NELL2: variants seen among roughly 807,000 people sequenced by gnomAD.
The protein encoded by NELL2 is protein kinase C-binding protein NELL2.
NELL2 carries 41 observed loss-of-function variants against 109.6 expected under a neutral mutation model. The ratio of observed to expected loss-of-function variants is 0.37; its 90% confidence interval spans 0.29 to 0.49. The LOEUF is 0.49. Ranked by LOEUF, NELL2 falls within the 20% of genes least tolerant of loss-of-function variation. NELL2 has a pLI of 0.98. For synonymous variants in NELL2, 355 were observed against 344.7 expected (o/e 1.03, Z -0.33); for missense variants, 900 against 1,008.3 (o/e 0.89, Z 1.45).
At chr12:44,805,073 T>A (rs1942954514) in intron 3 of NELL2, among the ~76,000 whole-genome samples, 1 of 151,748 alleles carries the variant, frequency 6.6e-6, no homozygotes, top group Non-Finnish European at 1.5e-5. Flanking sequence ...TAACAAAATA[T>A]GTATATACAC....
chr12:44,673,500 T>C (rs775775249), intron 12 of NELL2, among the ~76,000 whole-genome samples: 1 of 152,206 alleles, frequency 6.6e-6, no homozygotes, highest in Non-Finnish European at 1.5e-5. Flanking sequence ...TGACTTATTA[T>C]GACTTTCTAC....
intron 15 of NELL2, among the ~76,000 whole-genome samples, chr12:44,548,854 A>G (rs2136162103): frequency 6.6e-6 from 1 of 152,330 alleles, no homozygotes; most frequent in African/African-American, 2.4e-5. Context: ...TAAGCACTCT[A>G]TGCTTCTAAT....
intron 9 of NELL2, among the ~76,000 whole-genome samples, chr12:44,744,906 C>G (rs1422879140): frequency 6.6e-6 from 1 of 152,180 alleles, no homozygotes; most frequent in African/African-American, 2.4e-5. Flanking sequence ...CCTTCTGAAA[C>G]TATTCCAACC....
chr12:44,906,457 A>G (rs909948498), intron 1 of NELL2, among the ~76,000 whole-genome samples: 1 of 152,122 alleles, frequency 6.6e-6, no homozygotes, highest in African/African-American at 2.4e-5. Context: ...AGGGTAGAGC[A>G]GCTAGAAAGT....
chr12:44,522,757 A>G (rs1245833218), intron 17 of NELL2: 1 of 154,170 alleles, frequency 6.5e-6, no homozygotes, highest in Non-Finnish European at 1.4e-5. Flanking sequence ...TACACCAAAT[A>G]AATATTTTTC....
At chr12:44,578,308 A>G (rs777195964) in intron 15 of NELL2, among the ~76,000 whole-genome samples, 7 of 152,174 alleles carry the variant, frequency 4.6e-5, no homozygotes, top group Non-Finnish European at 7.4e-5. Flanking sequence ...CAAACAAAAC[A>G]TATACTTAAA....
chr12:44,723,759 C>A (rs577442362), intron 9 of NELL2, among the ~76,000 whole-genome samples: 7 of 152,036 alleles, frequency 4.6e-5, no homozygotes, highest in Non-Finnish European at 8.8e-5. Flanking sequence ...TTTCAGGGTA[C>A]CTTTTTTAAG....
intron 1 of NELL2, among the ~76,000 whole-genome samples, chr12:44,897,290 G>C (rs1344537209): frequency 6.6e-6 from 1 of 152,066 alleles, no homozygotes; most frequent in African/African-American, 2.4e-5. Flanking sequence ...AGAGGAGTGT[G>C]TTCTAATGTT....
intron 2 of NELL2, among the ~76,000 whole-genome samples, chr12:44,872,802 G>A (rs969364516): frequency 6.6e-6 from 1 of 152,134 alleles, no homozygotes; most frequent in Non-Finnish European, 1.5e-5. Flanking sequence ...TTCCTGCTAT[G>A]ACTATGTATA....
chr12:44,905,920 TA>T (rs1473175257), intron 1 of NELL2, among the ~76,000 whole-genome samples: 2 of 152,048 alleles, frequency 1.3e-5, no homozygotes, highest in African/African-American at 4.8e-5. Flanking sequence ...TCTGAGAGTC[TA>T]GGGGAAAAAC....
upstream of NELL2, among the ~76,000 whole-genome samples, chr12:44,878,822 C>T (rs1213560375): frequency 6.6e-6 from 1 of 152,160 alleles, no homozygotes. Context: ...TAAAATTTTG[C>T]TTGCAATCAT....
chr12:44,875,873 G>A lies in NELL2; in HGVS notation c.-4C>T. On this transcript the variant is annotated 5_prime_UTR_variant, in exon 1 of 20. Coordinates refer to ENST00000429094, the MANE Select transcript of NELL2 (RefSeq NM_001145108.2). ...TCAGTAAGACCCGAGACTCCATGGT[G>A]CGGATCAGCTCAGTCCATCGTCTCC... 4 of 1,614,006 alleles carry A rather than the reference G, an allele frequency of 2.5e-6. No individual in the cohort carries two copies. In the South Asian group the frequency reaches 3.3e-5, roughly 13 times the overall value.
At chr12:44,643,436 A>C (rs562659337) in intron 13 of NELL2, among the ~76,000 whole-genome samples, 4 of 152,198 alleles carry the variant, frequency 2.6e-5, no homozygotes, top group African/African-American at 7.2e-5. Context: ...TAGGCATTGC[A>C]TGTGTAGAAA....
At chr12:44,863,487 G>A (rs1337762117) in intron 2 of NELL2, among the ~76,000 whole-genome samples, 3 of 150,830 alleles carry the variant, frequency 2.0e-5, no homozygotes, top group Admixed American at 6.6e-5. Context: ...CAGACGAGGA[G>A]AGAGCTGGGT....
rs879827612 is a variant in NELL2 at position 44,561,951 on chromosome 12, G to A, written c.1664-29230C>T. ...AAGACTACAGTAACCAAAACAGCATGAGACTTGTACCAAAACAGATATATA... is the reference window on the plus strand; with the variant it reads ...AAGACTACAGTAACCAAAACAGCATAAGACTTGTACCAAAACAGATATATA... On this transcript the variant is annotated intron_variant, in intron 15 of 19. Coordinates refer to ENST00000429094, the MANE Select transcript of NELL2 (RefSeq NM_001145108.2). Among the ~76,000 whole-genome samples, 106 of 152,272 alleles carry A rather than the reference G, an allele frequency of 7.0e-4. 1 individual carries two copies. The highest frequency in any genetic ancestry group is 1.0e-3 in the Admixed American group (16 of 15,302).
intron 13 of NELL2, among the ~76,000 whole-genome samples, chr12:44,613,224 G>C (rs927496639): frequency 6.6e-6 from 1 of 151,948 alleles, no homozygotes; most frequent in African/African-American, 2.4e-5. Context: ...CACATACAAG[G>C]TTCTATTATT....
At chr12:44,726,536 T>G (rs1207717175) in intron 9 of NELL2, among the ~76,000 whole-genome samples, 1 of 152,192 alleles carries the variant, frequency 6.6e-6, no homozygotes, top group African/African-American at 2.4e-5. Context: ...CAACTTTATT[T>G]CATTCTAAAC....
chr12:44,783,112 G>A (rs1551084), intron 3 of NELL2, among the ~76,000 whole-genome samples: 36,097 of 151,554 alleles, frequency 0.24, 4,581 homozygotes, highest in South Asian at 0.3. Flanking sequence ...ATGTTTTCAA[G>A]CTAAATATAT....
In NELL2 at chr12:44,760,364, C is replaced by T. The variant is rs11182646; in HGVS notation, c.994+14383G>A. On this transcript the variant is annotated intron_variant, in intron 9 of 19. Transcript: ENST00000429094. ...AAAGATACCAGAATAAGACATATTCCAAGCTATTAAATCAATTTAGAGACA... is the reference window on the plus strand; with the variant it reads ...AAAGATACCAGAATAAGACATATTCTAAGCTATTAAATCAATTTAGAGACA... Among the ~76,000 whole-genome samples the T allele has an allele frequency of 1.8e-3, 271 of 152,014 alleles. 6 individuals carry two copies. In the East Asian group the frequency reaches 0.032, roughly 18 times the overall value.
Sources: allele counts gnomAD v4.1 joint callset (sites outside exome capture counted in the v4.1 genomes callset), GRCh38; gene constraint gnomAD v4.1.1; transcripts MANE v1.5; gene names NCBI Gene and HGNC (gene_info 2026-07-23, HGNC 2026-07-21).